Variants in SMARCC1 observed in about 807,000 individuals in gnomAD.
SMARCC1 encodes SWI/SNF related BAF chromatin remodeling complex subunit C1, also known as SWI/SNF complex subunit SMARCC1.
A neutral mutation model predicts 147.4 loss-of-function variants in SMARCC1; 43 were observed. The observed-to-expected ratio is 0.29, with a 90% CI of 0.23 to 0.38. The LOEUF (loss-of-function observed/expected upper bound fraction) is 0.38, where lower values mean the gene tolerates loss of function less well. Among genes scored for constraint, SMARCC1 ranks in the 10% least tolerant of loss-of-function variants. The pLI, the probability that SMARCC1 is intolerant of heterozygous loss-of-function variation, is 1.00. For synonymous variants in SMARCC1, 495 were observed against 484.4 expected, an observed-to-expected ratio of 1.02 and a Z score of -0.29; for missense variants, 1,119 against 1,381.1, an observed-to-expected ratio of 0.81 and a Z score of 3.01.
intron 11 of SMARCC1, among the ~76,000 whole-genome samples, chr3:47,698,816 A>G (rs1055753507): frequency 2.0e-5 from 3 of 152,070 alleles, no homozygotes; most frequent in African/African-American, 7.2e-5. Flanking sequence ...AAAAAAAACT[A>G]TAATAACTCA....
At chr3:47,726,991 CTT>C (rs2034307626) in intron 6 of SMARCC1, among the ~76,000 whole-genome samples, 1 of 150,392 alleles carries the variant, frequency 6.6e-6, no homozygotes, top group Non-Finnish European at 1.5e-5. Context: ...GTTTGGATCA[CTT>C]GAGGTCAGGA....
chr3:47,708,041 C>T (rs896677868), intron 9 of SMARCC1, among the ~76,000 whole-genome samples: 14 of 140,700 alleles, frequency 1.0e-4, no homozygotes, highest in African/African-American at 3.4e-4. Context: ...AAAGGATATA[C>T]ACCTTTGAAT....
intron 19 of SMARCC1, among the ~76,000 whole-genome samples, chr3:47,666,827 C>G (rs954578530): frequency 6.6e-6 from 1 of 152,112 alleles, no homozygotes; most frequent in South Asian, 2.1e-4. Context: ...ACATCTCTGT[C>G]CTTAAGAAAA....
intron 24 of SMARCC1, among the ~76,000 whole-genome samples, chr3:47,625,621 T>C (rs544385258): frequency 3.9e-5 from 6 of 152,302 alleles, no homozygotes; most frequent in Non-Finnish European, 8.8e-5. Flanking sequence ...GAAAACTGAA[T>C]ATCCAAATAC....
At chr3:47,673,404 G>C (rs1365757762) in intron 18 of SMARCC1, among the ~76,000 whole-genome samples, 3 of 132,348 alleles carry the variant, frequency 2.3e-5, no homozygotes, top group Admixed American at 7.5e-5. Context: ...AAGGGTGGGG[G>C]GGGGGCAGGC....
At chr3:47,709,189 A>G (rs180960485) in intron 9 of SMARCC1, among the ~76,000 whole-genome samples, 33 of 151,898 alleles carry the variant, frequency 2.2e-4, no homozygotes, top group African/African-American at 8.0e-4. Context: ...TGAACCCAGG[A>G]GGCAGACATT....
At chr3:47,747,436 CA>C (rs1348911109) in intron 2 of SMARCC1, among the ~76,000 whole-genome samples, 1 of 12,464 alleles carries the variant, frequency 8.0e-5, no homozygotes, top group Non-Finnish European at 4.5e-4. Context: ...GAATTTGTCT[CA>C]AAAAAATATA....
At chr3:47,590,498 C>A (rs1267919152) in intron 27 of SMARCC1, among the ~76,000 whole-genome samples, 163 bp downstream of exon 27, 1 of 152,170 alleles carries the variant, frequency 6.6e-6, no homozygotes, top group Non-Finnish European at 1.5e-5. Flanking sequence ...ATCAGGGGTG[C>A]TGAAGAACAC....
intron 21 of SMARCC1, among the ~76,000 whole-genome samples, chr3:47,657,578 A>G (rs1323977500): frequency 3.3e-5 from 5 of 152,134 alleles, no homozygotes; most frequent in Non-Finnish European, 1.5e-5. Context: ...CAGGTGGATC[A>G]CCTGAGGTCA....
At chr3:47,684,096 C>T (rs1017599758) in intron 14 of SMARCC1, among the ~76,000 whole-genome samples, 1 of 152,024 alleles carries the variant, frequency 6.6e-6, no homozygotes, top group Non-Finnish European at 1.5e-5. Context: ...AAAAATTAGC[C>T]GGGCGTAGTG....
chr3:47,769,886 C>A (rs1032006424), intron 2 of SMARCC1, among the ~76,000 whole-genome samples: 1 of 152,168 alleles, frequency 6.6e-6, no homozygotes, highest in Non-Finnish European at 1.5e-5. Flanking sequence ...ATTTCCCACA[C>A]TAACTACCAG....
chr3:47,685,177 G>A (rs1442379552), intron 14 of SMARCC1, among the ~76,000 whole-genome samples: 1 of 151,970 alleles, frequency 6.6e-6, no homozygotes, highest in African/African-American at 2.4e-5. Context: ...GAAATCCCTT[G>A]ACAGCTAGTC....
chr3:47,675,646 T>C (rs2033559792), intron 17 of SMARCC1, 58 bp from the exon 18 acceptor site: 3 of 985,222 alleles, frequency 3.0e-6, no homozygotes, highest in Non-Finnish European at 4.8e-6. Flanking sequence ...AGAGGGTAAA[T>C]GTTTTTAAAA....
At chr3:47,665,005 T>G (rs1195262164) in intron 19 of SMARCC1, among the ~76,000 whole-genome samples, 1 of 152,118 alleles carries the variant, frequency 6.6e-6, no homozygotes, top group East Asian at 1.9e-4. Flanking sequence ...GATTTTTTTT[T>G]CTTAATTTTT....
rs1161215864 is a variant in SMARCC1, at chr3:47,747,265, C to T, written c.316-1272G>A. On this transcript the variant is annotated intron_variant, in intron 2 of 27. Transcript: ENST00000254480. Reference sequence around the variant, plus strand: ...CCTGGGCAACATGGTGAAACCCCGTCTCAACAAAAAATGCAAAAGAAATTA... The same window carrying T: ...CCTGGGCAACATGGTGAAACCCCGTTTCAACAAAAAATGCAAAAGAAATTA... 2.6e-5 allele frequency among the ~76,000 whole-genome samples: 4 copies of T among 151,728 alleles called. No homozygotes were observed. The East Asian group carries it at 7.8e-4, about 29-fold the overall frequency.
intron 26 of SMARCC1, among the ~76,000 whole-genome samples, chr3:47,597,915 C>T (rs1466739969): frequency 6.6e-6 from 1 of 152,174 alleles, no homozygotes; most frequent in Non-Finnish European, 1.5e-5. Flanking sequence ...GAACTTTTTG[C>T]TTTGGGAACA....
At chr3:47,634,851 A>T (rs1011574642) in intron 24 of SMARCC1, among the ~76,000 whole-genome samples, 4 of 152,270 alleles carry the variant, frequency 2.6e-5, no homozygotes, top group Non-Finnish European at 5.9e-5. Context: ...TCTGGTAGAA[A>T]TTATTGGAAC....
intron 24 of SMARCC1, among the ~76,000 whole-genome samples, chr3:47,625,340 AAAAG>A (rs1198060172): frequency 6.6e-6 from 1 of 152,022 alleles, no homozygotes; most frequent in Non-Finnish European, 1.5e-5. Context: ...AGAAAGGAAA[AAAAG>A]AAAGACCAGC....
chr3:47,609,593 G>A (rs1036163105), intron 26 of SMARCC1, among the ~76,000 whole-genome samples: 3 of 152,026 alleles, frequency 2.0e-5, no homozygotes, highest in Admixed American at 6.6e-5. Flanking sequence ...ACTCTAAAAT[G>A]TTGATAATTT....
Sources: gnomAD v4.1 joint callset for allele counts (sites outside exome capture counted in the v4.1 genomes callset) on GRCh38, gnomAD v4.1.1 for gene constraint, MANE v1.5 for transcripts, NCBI Gene and HGNC (gene_info 2026-07-23, HGNC 2026-07-21) for gene names.